HTT: variants seen among roughly 807,000 people sequenced by gnomAD.
The protein encoded by HTT is huntingtin, also known as huntington disease protein.
Under a neutral mutation model 362.3 loss-of-function variants are expected in HTT, and 104 were observed. That is an observed-to-expected ratio of 0.29 (90% CI 0.24 to 0.34). The LOEUF is 0.34. HTT is among the 10% of genes least tolerant of loss of function. HTT has a pLI of 1.00. For synonymous variants in HTT, 1,577 were observed against 1,548.7 expected (o/e 1.02, Z -0.43); for missense variants, 3,301 against 3,928.6 (o/e 0.84, Z 4.27).
chr4:3,085,650 A>T (rs2110140813), intron 1 of HTT, among the ~76,000 whole-genome samples: 1 of 152,332 alleles, frequency 6.6e-6, no homozygotes, highest in South Asian at 2.1e-4. Context: ...AATTAGTTTT[A>T]GTTTCTTAAA....
chr4:3,238,134 C>T (rs563805677), intron 64 of HTT, among the ~76,000 whole-genome samples: 3 of 149,192 alleles, frequency 2.0e-5, no homozygotes, highest in African/African-American at 7.5e-5. Context: ...CCAGGCTTTA[C>T]GTAGCTTTCA....
chr4:3,130,313 C>A lies in HTT; in HGVS notation c.1876C>A (p.Gln626Lys), dbSNP rs761240567. Residue 626 changes from glutamine (Q) to lysine (K), a missense_variant, in exon 14 of 67, where the codon CAG becomes AAG. Gln to Lys is a moderately conservative substitution (Grantham distance 53). Transcript: ENST00000355072. ...TTTCTCTGTTTTTAAAGCCCTTCAA[C>A]AGGCACATTTATTGAAAAACATGAG... ...AFRNSSMALQQAHLLKNMSHC... is the reference protein window; with the variant it reads ...AFRNSSMALQKAHLLKNMSHC... 1 of 1,572,236 alleles carries A rather than the reference C, an allele frequency of 6.4e-7. No individual in the cohort carries two copies. Among genetic ancestry groups the A allele is most frequent in the South Asian group, 1.2e-5 (1 of 85,258 alleles).
intron 19 of HTT, among the ~76,000 whole-genome samples, chr4:3,135,187 A>G (rs1390319070): frequency 1.3e-5 from 2 of 151,814 alleles, no homozygotes; most frequent in African/African-American, 2.4e-5. Context: ...AAAAGAATAT[A>G]CTCTTCATTA....
Position 3,228,547 on chromosome 4 carries a change from C to G in HTT, c.7849-68C>G. The G allele has an allele frequency of 1.3e-6, 2 of 1,498,204 alleles. No individual in the cohort carries two copies. Among genetic ancestry groups the G allele is most frequent in the Non-Finnish European group, 1.8e-6 (2 of 1,120,956 alleles). 92.8% of individuals were successfully genotyped at this position (1,498,204 alleles called of 1,614,324 possible). ...GTAGGCATGTGCTGAGTCCCAGTGG[C>G]CACACCCACCCACCAGGAGCCTGGC... On this transcript the variant is annotated intron_variant, in intron 57 of 66. Coordinates refer to ENST00000355072, the MANE Select transcript of HTT (RefSeq NM_001388492.1). This position sits in a 1 kb window ranked among gnomAD's most constrained non-coding sequence, Gnocchi z 4.3.
chr4:3,082,905 C>T (rs1479904960), intron 1 of HTT, among the ~76,000 whole-genome samples: 2 of 152,008 alleles, frequency 1.3e-5, no homozygotes, highest in African/African-American at 2.4e-5. Context: ...TGAGCAGCCA[C>T]TATGGAGAAA....
chr4:3,159,018 G>A (rs1717311201), intron 28 of HTT, among the ~76,000 whole-genome samples: 2 of 152,216 alleles, frequency 1.3e-5, no homozygotes, highest in East Asian at 3.9e-4. Context: ...CCCGCGGTCA[G>A]CTCCTGCTGC....
intron 9 of HTT, chr4:3,121,739 G>C (rs1715307723): frequency 8.2e-5 from 19 of 232,548 alleles, no homozygotes; most frequent in Middle Eastern, 1.5e-3. Flanking sequence ...GGTGGCACAT[G>C]CCTGTAGTCC....
intron 29 of HTT, among the ~76,000 whole-genome samples, chr4:3,169,669 G>C (rs1717881928): frequency 6.6e-6 from 1 of 151,938 alleles, no homozygotes; most frequent in African/African-American, 2.4e-5. Flanking sequence ...CACCTCCCAG[G>C]CTCAAGCAAT....
At position 3,218,046 on chromosome 4, in the gene HTT, C is replaced by A; in HGVS notation, c.7242+94C>A. The A allele has an allele frequency of 8.9e-7, 1 of 1,122,838 alleles. No individual in the cohort carries two copies. 69.6% of individuals were successfully genotyped at this position (1,122,838 alleles called of 1,614,324 possible). A position where few individuals can be genotyped will look rare whatever the true frequency, so the allele number is the denominator to read the frequency against. On this transcript the variant is annotated intron_variant, in intron 52 of 66. Coordinates refer to ENST00000355072, the MANE Select transcript of HTT (RefSeq NM_001388492.1). This position sits in a 1 kb window ranked among gnomAD's most constrained non-coding sequence, Gnocchi z 4.4. ...CACGTGAGAGGGCGGGACAGAATCC[C>A]CGCAGCCCAGAGGCTGCCTGCTGTG... is the stretch of plus-strand genomic sequence containing the variant.
In HTT at chr4:3,196,974, C is replaced by T. The variant is rs919389283; in HGVS notation, c.5369-2758C>T. On this transcript the variant is annotated intron_variant, in intron 40 of 66. Transcript: ENST00000355072. The stretch of plus-strand genomic sequence containing the variant: ...TTTGTTTCCCTCTTGTTTCTCAAGC[C>T]ATGGCAGCCTGCCTCTTGCCCTCTT... Among the ~76,000 whole-genome samples the T allele has an allele frequency of 2.0e-5, 3 of 152,274 alleles. No individual in the cohort carries two copies. In the South Asian group the frequency reaches 6.2e-4, roughly 32 times the overall value.
At chr4:3,166,845 A>T (rs770324135) in intron 29 of HTT, among the ~76,000 whole-genome samples, 2 of 152,226 alleles carry the variant, frequency 1.3e-5, no homozygotes, top group Non-Finnish European at 2.9e-5. Flanking sequence ...ACAGTCACTC[A>T]TGGCTTCCTT....
At chr4:3,086,326 GTGTGA>G (rs916546219) in intron 1 of HTT, among the ~76,000 whole-genome samples, 3 of 152,156 alleles carry the variant, frequency 2.0e-5, no homozygotes, top group African/African-American at 7.2e-5. Context: ...CTTCATATCT[GTGTGA>G]TCTTGGGCAT....
In HTT at chr4:3,218,998, G is replaced by A. The variant is rs948576745; in HGVS notation, c.7242+1046G>A. On this transcript the variant is annotated intron_variant, in intron 52 of 66. Coordinates refer to ENST00000355072, the MANE Select transcript of HTT (RefSeq NM_001388492.1). This position sits in a 1 kb window ranked among gnomAD's most constrained non-coding sequence, Gnocchi z 4.4. ...GTCTAGGGAGGCTTGCTCCAAGGAC[G>A]CAGTATTGTTTGATCCTGAGAGATA... 3.3e-5 allele frequency among the ~76,000 whole-genome samples: 5 copies of A among 152,194 alleles called. No homozygotes were observed. The highest frequency in any genetic ancestry group is 2.1e-4 in the South Asian group (1 of 4,828).
chr4:3,224,656 G>T (rs1012659725), intron 56 of HTT, among the ~76,000 whole-genome samples: 1 of 152,236 alleles, frequency 6.6e-6, no homozygotes, highest in Non-Finnish European at 1.5e-5. Flanking sequence ...TAAAAGAAGA[G>T]AGTTGTGTGG....
In HTT at chr4:3,130,221, A is replaced by G. The variant is rs561003817; in HGVS notation, c.1868-84A>G. 19 of 1,068,548 alleles carry G rather than the reference A, an allele frequency of 1.8e-5. No individual in the cohort carries two copies. The South Asian group carries it at 3.0e-4, about 17-fold the overall frequency. 66.2% of individuals were successfully genotyped at this position (1,068,548 alleles called of 1,614,324 possible). On this transcript the variant is annotated intron_variant, in intron 13 of 66. Coordinates refer to ENST00000355072, the MANE Select transcript of HTT (RefSeq NM_001388492.1). ...TACTTTTTCTTGATCTAAATCTTAT[A>G]CTTTTGAGTTATCTTAGCATAAATG...
chr4:3,117,439 C>CT (rs1439430411), intron 8 of HTT, among the ~76,000 whole-genome samples: 7 of 152,074 alleles, frequency 4.6e-5, no homozygotes, highest in South Asian at 2.1e-4. Flanking sequence ...CTACTTCTCC[C>CT]TTTTTTTATT....
At chr4:3,078,891 C>T (rs897852075) in intron 1 of HTT, among the ~76,000 whole-genome samples, 1 of 152,186 alleles carries the variant, frequency 6.6e-6, no homozygotes, top group African/African-American at 2.4e-5. Context: ...CCTGCCACCA[C>T]GTCCAGCTAA....
chr4:3,204,032 T>C lies in HTT; in HGVS notation c.5602T>C (p.Leu1868=). ...AAGACACAGTCTGTCCAGCACAAAG[T>C]TACTTAGTCCCCAGATGTCTGGAGA... ...PKRHSLSSTK[L]LSPQMSGEEE... is the part of the protein sequence containing the mutation. Residue 1868 remains leucine, a synonymous_variant, in exon 42 of 67, where the codon TTA becomes CTA. Transcript: ENST00000355072. 7.4e-6 allele frequency: 12 copies of C among 1,614,210 alleles called. No homozygotes were observed. The highest frequency in any genetic ancestry group is 9.3e-6 in the Non-Finnish European group (11 of 1,180,016).
intron 39 of HTT, chr4:3,188,223 T>A: frequency 4.8e-6 from 1 of 209,914 alleles, no homozygotes. Context: ...GAGAAGCCAG[T>A]AAAAGTGAGT....
Sources: allele counts gnomAD v4.1 joint callset (sites outside exome capture counted in the v4.1 genomes callset), GRCh38; gene constraint gnomAD v4.1.1; non-coding constraint Gnocchi (gnomAD v3.1); transcripts MANE v1.5; gene names NCBI Gene and HGNC (gene_info 2026-07-23, HGNC 2026-07-21).